LPP: variants seen among roughly 807,000 people sequenced by gnomAD.
LPP encodes lipoma-preferred partner.
In LPP, 38 loss-of-function variants were observed where a neutral mutation model predicts 60.4. That is an observed-to-expected ratio of 0.63 (90% confidence interval 0.49 to 0.83). The LOEUF (loss-of-function observed/expected upper bound fraction) is 0.83, where lower values mean the gene tolerates loss of function less well. Ranked by LOEUF, LPP falls within the 40% of genes least tolerant of loss-of-function variation. The probability of loss-of-function intolerance (pLI) is 0.00; values close to 1 mark genes in which losing one functional copy is unlikely to be tolerated. For synonymous variants in LPP, 328 were observed against 290.8 expected, an observed-to-expected ratio of 1.13 and a Z score of -1.30; for missense variants, 902 against 783.6, an observed-to-expected ratio of 1.15 and a Z score of -1.80.
intron 7 of LPP, among the ~76,000 whole-genome samples, chr3:188,670,936 C>T (rs1167621429): frequency 2.0e-5 from 3 of 152,168 alleles, no homozygotes; most frequent in Non-Finnish European, 4.4e-5. Flanking sequence ...ACTTCAGCTC[C>T]GTTGCTACTT....
chr3:188,470,319 C>CACACACATACACAT (rs138685539), intron 4 of LPP, among the ~76,000 whole-genome samples: 25 of 148,762 alleles, frequency 1.7e-4, no homozygotes, highest in Non-Finnish European at 2.7e-4. Flanking sequence ...CACACACACA[C>CACACACATACACAT]GCACACATAA....
chr3:188,356,344 G>C (rs139114387), intron 3 of LPP, among the ~76,000 whole-genome samples: 6 of 152,086 alleles, frequency 3.9e-5, no homozygotes, highest in African/African-American at 1.2e-4. Context: ...CTGTGCCTCC[G>C]TGTCTTCTGG....
chr3:188,792,460 T>A (rs1744076085), intron 9 of LPP, among the ~76,000 whole-genome samples: 1 of 152,160 alleles, frequency 6.6e-6, no homozygotes, highest in South Asian at 2.1e-4. Context: ...TACCTTTCTG[T>A]TCAGGTCCCA....
Position 188,704,674 on chromosome 3 carries a change from T to C in LPP, c.1114-3593T>C, listed in dbSNP as rs994461579. On this transcript the variant is annotated intron_variant, in intron 7 of 11. Transcript: ENST00000617246. ...GTTTCTAATGCCTGGATGTTCCTAA[T>C]TGAGAACATGCAAATATATTCCCCG... Among the ~76,000 whole-genome samples the C allele has an allele frequency of 1.8e-4, 28 of 152,326 alleles. No homozygotes were observed. The East Asian group carries it at 4.4e-3, about 24-fold the overall frequency.
At chr3:188,632,275 C>A (rs1011984704) in intron 7 of LPP, among the ~76,000 whole-genome samples, 5 of 152,106 alleles carry the variant, frequency 3.3e-5, no homozygotes, top group African/African-American at 4.8e-5. Context: ...TAAGTGGTTA[C>A]AAATAAAATC....
Position 188,398,755 on chromosome 3 carries a change from G to T in LPP, c.-9-7357G>T, listed in dbSNP as rs115889760. Among the ~76,000 whole-genome samples the T allele has an allele frequency of 6.0e-3, 916 of 152,300 alleles. 8 individuals are homozygous for T. Among genetic ancestry groups the T allele is most frequent in the African/African-American group, 0.021 (858 of 41,566 alleles). On this transcript the variant is annotated intron_variant, in intron 3 of 11. Transcript: ENST00000617246. ...CACAGCATATCTGCTTCGCAATTAC[G>T]CTGGTAGGGACTTACCCCGTTTGGA... is the stretch of plus-strand genomic sequence containing the variant.
chr3:188,580,213 G>GAGA (rs1297216511), intron 6 of LPP, among the ~76,000 whole-genome samples: 8 of 151,080 alleles, frequency 5.3e-5, no homozygotes, highest in Admixed American at 2.0e-4. Flanking sequence ...TTGAAATTAA[G>GAGA]TATTTTCTCA....
chr3:188,325,066 C>A (rs1758031845), intron 2 of LPP, among the ~76,000 whole-genome samples: 1 of 152,028 alleles, frequency 6.6e-6, no homozygotes. Flanking sequence ...CTGCAGCCTC[C>A]ACCTTCTGGG....
chr3:188,455,532 A>T (rs1188579714), intron 4 of LPP, among the ~76,000 whole-genome samples: 1 of 152,198 alleles, frequency 6.6e-6, no homozygotes, highest in African/African-American at 2.4e-5. Context: ...CATGTGTGAC[A>T]TTTGAGTCAG....
At chr3:188,558,614 C>A (rs1370337912) in intron 6 of LPP, among the ~76,000 whole-genome samples, 1 of 152,048 alleles carries the variant, frequency 6.6e-6, no homozygotes, top group East Asian at 1.9e-4. Flanking sequence ...AGGCAATCAA[C>A]AAATGTTTGC....
At chr3:188,472,987 C>A (rs1248427855) in intron 4 of LPP, among the ~76,000 whole-genome samples, 1 of 151,914 alleles carries the variant, frequency 6.6e-6, no homozygotes, top group African/African-American at 2.4e-5. Flanking sequence ...TATTTGGGGT[C>A]ACAGTGGGCT....
At chr3:188,163,363 C>T (rs1167656476) in intron 1 of LPP, among the ~76,000 whole-genome samples, 3 of 152,214 alleles carry the variant, frequency 2.0e-5, no homozygotes, top group African/African-American at 7.2e-5. Flanking sequence ...TGACCTGCCT[C>T]CAGCATGCAC....
chr3:188,618,967 G>C (rs1305189365), intron 7 of LPP, among the ~76,000 whole-genome samples: 1 of 152,148 alleles, frequency 6.6e-6, no homozygotes, highest in African/African-American at 2.4e-5. Context: ...GTCTGAATAA[G>C]TTTACTATAG....
At chr3:188,275,231 C>A (rs1290344821) in intron 2 of LPP, among the ~76,000 whole-genome samples, 2 of 152,202 alleles carry the variant, frequency 1.3e-5, no homozygotes, top group African/African-American at 4.8e-5. Flanking sequence ...TCTGTTTCCA[C>A]AGAGAGGCTT....
chr3:188,162,909 T>G (rs757429649), intron 1 of LPP, among the ~76,000 whole-genome samples: 1 of 152,192 alleles, frequency 6.6e-6, no homozygotes, highest in Non-Finnish European at 1.5e-5. Context: ...GGTGCTCCCT[T>G]GGTGGTCACA....
intron 7 of LPP, among the ~76,000 whole-genome samples, chr3:188,658,164 G>A (rs9815785): frequency 1.0e-3 from 66 of 66,036 alleles, no homozygotes; most frequent in African/African-American, 4.6e-3. Context: ...TAGTTTTAAC[G>A]ACAGAGTCTT....
intron 8 of LPP, among the ~76,000 whole-genome samples, chr3:188,745,890 G>A (rs938683654): frequency 2.0e-5 from 3 of 152,066 alleles, no homozygotes; most frequent in Admixed American, 2.0e-4. Flanking sequence ...AGGGAACTGA[G>A]GCCCGTGGTG....
intron 7 of LPP, among the ~76,000 whole-genome samples, chr3:188,620,417 T>C (rs1845600150): frequency 6.6e-6 from 1 of 152,184 alleles, no homozygotes; most frequent in Non-Finnish European, 1.5e-5. Flanking sequence ...AATAATACTA[T>C]ATATAGTCTT....
intron 4 of LPP, among the ~76,000 whole-genome samples, chr3:188,419,619 G>A (rs775948259): frequency 3.3e-5 from 5 of 152,194 alleles, no homozygotes; most frequent in African/African-American, 4.8e-5. Context: ...TGCACTAGGC[G>A]TGGTGGCTCA....
Sources: gnomAD v4.1 joint callset for allele counts (sites outside exome capture counted in the v4.1 genomes callset) on GRCh38, gnomAD v4.1.1 for gene constraint, MANE v1.5 for transcripts, NCBI Gene and HGNC (gene_info 2026-07-23, HGNC 2026-07-21) for gene names.